The following TTC19 variants were observed in gnomAD, a reference collection of about 807,000 sequenced individuals.
TTC19 encodes tetratricopeptide repeat protein 19, mitochondrial.
Under a neutral mutation model 49.5 loss-of-function variants are expected in TTC19, and 38 were observed. The observed-to-expected ratio is 0.77, with a 90% CI of 0.59 to 1.01. The LOEUF (loss-of-function observed/expected upper bound fraction) is 1.01, where lower values mean the gene tolerates loss of function less well. TTC19 is among the 50% of genes least tolerant of loss of function. The probability of loss-of-function intolerance (pLI) is 0.00; values close to 1 mark genes in which losing one functional copy is unlikely to be tolerated. For synonymous variants in TTC19, 204 were observed against 185.2 expected, an observed-to-expected ratio of 1.10 and a Z score of -0.83; for missense variants, 475 against 477.7, an observed-to-expected ratio of 0.99 and a Z score of 0.05.
chr17:16,003,787 A>G, intron 4 of TTC19, 44 bp from the exon 5 acceptor site: 1 of 1,533,262 alleles, frequency 6.5e-7, no homozygotes, highest in Non-Finnish European at 9.0e-7. Context: ...ATATATATAA[A>G]ATGGGGCCCA....
exon 3 of TTC19, chr17:16,044,998 A>AT: frequency 1.0e-4 from 48 of 469,432 alleles, no homozygotes; most frequent in Non-Finnish European, 1.3e-4. Flanking sequence ...GCTGAACTTA[A>AT]GAAAAAAAAA....
chr17:16,040,298 C>A (rs1424639532), intron 2 of TTC19: 5 of 749,278 alleles, frequency 6.7e-6, no homozygotes, highest in Non-Finnish European at 1.2e-5. Context: ...CTGGGTAAAC[C>A]TTCCTTCACT....
intron 7 of TTC19, among the ~76,000 whole-genome samples, chr17:16,021,165 A>G (rs1597464722): frequency 6.6e-6 from 1 of 152,118 alleles, no homozygotes; most frequent in Non-Finnish European, 1.5e-5. Context: ...AGGCGGGCGG[A>G]TCATGAGGTC....
intron 2 of TTC19, chr17:16,040,680 T>C: frequency 4.8e-6 from 3 of 623,438 alleles, no homozygotes; most frequent in Non-Finnish European, 8.7e-6. Context: ...TCTCACTCTG[T>C]TGCCCAGGCT....
chr17:16,021,250 C>T (rs775195504), intron 7 of TTC19, among the ~76,000 whole-genome samples: 3 of 152,144 alleles, frequency 2.0e-5, no homozygotes, highest in South Asian at 2.1e-4. Context: ...TTTAGCTGGG[C>T]GTGGTGGCGC....
intron 7 of TTC19, chr17:16,024,431 GAC>G (rs1971484123): frequency 2.6e-5 from 4 of 153,888 alleles, no homozygotes; most frequent in Non-Finnish European, 5.7e-5. Context: ...GAGTAGCTGG[GAC>G]TACAGGTACC....
intron 8 of TTC19, among the ~76,000 whole-genome samples, 186 bp from the exon 9 acceptor site, chr17:16,026,354 T>C (rs1337535735): frequency 6.6e-6 from 1 of 152,216 alleles, no homozygotes; most frequent in Non-Finnish European, 1.5e-5. Flanking sequence ...GAACTAACAT[T>C]GTCCACTGTA....
chr17:16,020,828 A>AT (rs1555530141), intron 7 of TTC19, among the ~76,000 whole-genome samples: 1 of 151,698 alleles, frequency 6.6e-6, no homozygotes. Flanking sequence ...ACGTGCCACC[A>AT]TGTCTGGCTT....
chr17:16,020,360 T>C lies in TTC19; in HGVS notation c.677-4657T>C, dbSNP rs185667478. On this transcript the variant is annotated intron_variant, in intron 7 of 9. Transcript: ENST00000261647. The stretch of plus-strand genomic sequence containing the variant: ...ATCTTTTGCTTATATTTTTGAGGGG[T>C]TGTCTTTTTCTTAACGATTCGTAAG... Among the ~76,000 whole-genome samples the C allele has an allele frequency of 3.8e-3, 582 of 152,200 alleles. 1 individual carries two copies. The highest frequency in any genetic ancestry group is 4.5e-3 in the Non-Finnish European group (305 of 68,016).
Position 16,028,619 on chromosome 17 carries a change from G to T in TTC19, c.*1097G>T, listed in dbSNP as rs1381495793. On this transcript the variant is annotated 3_prime_UTR_variant, in exon 10 of 10. Transcript: ENST00000261647. The stretch of plus-strand genomic sequence containing the variant: ...TGCAGCAGTCATGAATACATTTTTA[G>T]CCATTTACCTAAGGAAAAAGACAGT... 10 of 453,634 alleles carry T rather than the reference G, an allele frequency of 2.2e-5. No homozygotes were observed. The highest frequency in any genetic ancestry group is 4.4e-6 in the Non-Finnish European group (1 of 226,734). The allele number at this position is 453,634 out of a possible 1,614,324, so 28.1% of individuals were successfully genotyped here.
chr17:16,001,857 C>G lies in TTC19; in HGVS notation c.313-58C>G, dbSNP rs1293669717. The G allele has an allele frequency of 2.9e-5, 34 of 1,180,188 alleles. No homozygotes were observed. The Admixed American group carries it at 5.8e-4, about 20-fold the overall frequency. 73.1% of individuals were successfully genotyped at this position (1,180,188 alleles called of 1,614,324 possible). ...TGTACAGTTGCATACACTTCTGTCT[C>G]TTAGCATATGCATCTACTATATGTT... On this transcript the variant is annotated intron_variant, in intron 2 of 9. Transcript: ENST00000261647.
In TTC19 at chr17:16,006,484, G is replaced by A. The variant is rs749915694; in HGVS notation, c.592G>A (p.Ala198Thr). 1 of 1,610,140 alleles carries A rather than the reference G, an allele frequency of 6.2e-7. No homozygotes were observed. Among genetic ancestry groups the A allele is most frequent in the Admixed American group, 1.7e-5 (1 of 59,996 alleles). ...GATTTTGCTTTACAGACAGGAATTT[G>A]CTGTTGCTGGCTATGAATTCTGCAT... ...IYAAQNRQEF[A>T]VAGYEFCIST... Residue 198 changes from alanine to threonine, a missense_variant, in exon 7 of 10, where the codon GCT (alanine) becomes ACT (threonine). Transcript: ENST00000261647.
At chr17:16,005,636 A>G (rs1324166728) in intron 6 of TTC19, among the ~76,000 whole-genome samples, 1 of 152,242 alleles carries the variant, frequency 6.6e-6, no homozygotes, top group Non-Finnish European at 1.5e-5. Context: ...TTGAGGGTCC[A>G]GGGCTACAGA....
intron 8 of TTC19, among the ~76,000 whole-genome samples, chr17:16,025,796 C>T (rs944067848): frequency 3.9e-5 from 6 of 152,150 alleles, no homozygotes; most frequent in Non-Finnish European, 7.3e-5. Context: ...ACAATTTTAA[C>T]TGAATGTGTC....
chr17:16,023,055 T>G (rs1023432164), intron 7 of TTC19, among the ~76,000 whole-genome samples: 1 of 152,176 alleles, frequency 6.6e-6, no homozygotes, highest in Non-Finnish European at 1.5e-5. Flanking sequence ...AAAGGAACTC[T>G]TTGGGGGAAC....
At chr17:16,030,282 T>C, downstream of TTC19, 1 of 225,676 alleles carries the variant, frequency 4.4e-6, no homozygotes, top group Non-Finnish European at 8.8e-6. Flanking sequence ...TGAGAAGGGG[T>C]TGGTCTTGCT....
At chr17:16,006,359 G>A (rs1433932859) in intron 6 of TTC19, 115 bp from the exon 7 acceptor site, 8 of 781,036 alleles carry the variant, frequency 1.0e-5, no homozygotes, top group African/African-American at 1.7e-5. Flanking sequence ...GCTCTGAGCC[G>A]AGGTCACGCC....
intron 7 of TTC19, among the ~76,000 whole-genome samples, chr17:16,022,980 T>A (rs1397840091): frequency 6.6e-6 from 1 of 152,078 alleles, no homozygotes; most frequent in Non-Finnish European, 1.5e-5. Context: ...GATTTTTTTC[T>A]TGTCTAACTT....
exon 3 of TTC19, chr17:16,044,967 T>C (rs2058413910): frequency 1.8e-6 from 1 of 557,706 alleles, no homozygotes; most frequent in South Asian, 1.9e-5. Flanking sequence ...ACTAAATTTC[T>C]TATAACGTGT....
Sources: gnomAD v4.1 joint callset for allele counts (sites outside exome capture counted in the v4.1 genomes callset) on GRCh38, gnomAD v4.1.1 for gene constraint, MANE v1.5 for transcripts, NCBI Gene and HGNC (gene_info 2026-07-23, HGNC 2026-07-21) for gene names.